Variants in CNBD1 observed in about 807,000 individuals in gnomAD.
CNBD1 encodes cyclic nucleotide binding domain containing 1.
Under a neutral mutation model 54.4 loss-of-function variants are expected in CNBD1, and 71 were observed. That is an observed-to-expected ratio of 1.30 (90% CI 1.08 to 1.59). The LOEUF is 1.59. Ranked by LOEUF, CNBD1 falls within the 40% of genes most tolerant of loss-of-function variation. The pLI, the probability that CNBD1 is intolerant of heterozygous loss-of-function variation, is 0.00. For synonymous variants in CNBD1, 182 were observed against 170.7 expected (o/e 1.07, Z -0.51); for missense variants, 659 against 518.0 (o/e 1.27, Z -2.64).
intron 4 of CNBD1, among the ~76,000 whole-genome samples, chr8:87,165,027 C>A (rs1288564158): frequency 1.3e-5 from 2 of 150,254 alleles, no homozygotes; most frequent in African/African-American, 4.9e-5. Context: ...TTGATATTTT[C>A]TTTTACCCAT....
At chr8:87,248,534 T>G (rs916590838) in intron 6 of CNBD1, among the ~76,000 whole-genome samples, 3 of 152,236 alleles carry the variant, frequency 2.0e-5, no homozygotes, top group Non-Finnish European at 2.9e-5. Flanking sequence ...GGCTTGTCTT[T>G]TAATACAGGG....
At chr8:87,060,506 C>G (rs1160255519) in intron 4 of CNBD1, among the ~76,000 whole-genome samples, 2 of 152,078 alleles carry the variant, frequency 1.3e-5, no homozygotes, top group Admixed American at 6.6e-5. Flanking sequence ...CCACTCATGC[C>G]TGGTGTACTA....
At chr8:87,411,551 TA>T (rs1181824100) in intron 2 of CNBD1, among the ~76,000 whole-genome samples, 14 of 150,612 alleles carry the variant, frequency 9.3e-5, no homozygotes, top group Non-Finnish European at 1.9e-4. Flanking sequence ...TAAGTACAGT[TA>T]ATGATGTCAC....
At chr8:87,346,261 G>C (rs537692004) in intron 8 of CNBD1, among the ~76,000 whole-genome samples, 1 of 152,050 alleles carries the variant, frequency 6.6e-6, no homozygotes, top group East Asian at 1.9e-4. Context: ...GGCTTGTCTT[G>C]AACTCCCGAC....
At chr8:87,146,038 A>C (rs2130743397) in intron 4 of CNBD1, among the ~76,000 whole-genome samples, 1 of 152,278 alleles carries the variant, frequency 6.6e-6, no homozygotes, top group East Asian at 1.9e-4. Flanking sequence ...TCTGCATTGG[A>C]AGGTGAAGTC....
At chr8:87,389,227 CAT>C (rs1272406100) in intron 2 of CNBD1, among the ~76,000 whole-genome samples, 2 of 152,128 alleles carry the variant, frequency 1.3e-5, no homozygotes, top group Admixed American at 6.5e-5. Context: ...TGCTATTCAA[CAT>C]AGTGTTGGAA....
intron 10 of CNBD1, among the ~76,000 whole-genome samples, chr8:87,372,087 C>T (rs1586056625): frequency 6.6e-6 from 1 of 151,996 alleles, no homozygotes. Flanking sequence ...ATCCAGAAAA[C>T]CCCACTGTCT....
intron 4 of CNBD1, among the ~76,000 whole-genome samples, chr8:86,990,521 G>T (rs749408704): frequency 2.2e-4 from 33 of 152,072 alleles, no homozygotes; most frequent in Non-Finnish European, 4.4e-4. Flanking sequence ...ATTTGTTTCT[G>T]GGTTGTCTAT....
chr8:86,952,023 T>C (rs1807638751), intron 4 of CNBD1, among the ~76,000 whole-genome samples: 1 of 152,184 alleles, frequency 6.6e-6, no homozygotes, highest in African/African-American at 2.4e-5. Context: ...GATAAATGCA[T>C]ATCTAATTGC....
At chr8:86,962,926 G>A in intron 4 of CNBD1, among the ~76,000 whole-genome samples, 1 of 152,116 alleles carries the variant, frequency 6.6e-6, no homozygotes, top group Non-Finnish European at 1.5e-5. Flanking sequence ...GTCCTGTGAA[G>A]GGGAAAAAGC....
intron 4 of CNBD1, among the ~76,000 whole-genome samples, chr8:87,171,789 C>A (rs938751496): frequency 4.6e-5 from 7 of 150,626 alleles, no homozygotes; most frequent in African/African-American, 1.5e-4. Context: ...AGGTGCCCAC[C>A]ACCACGCCTG....
At chr8:87,185,579 T>A (rs1426267572) in intron 4 of CNBD1, among the ~76,000 whole-genome samples, 4 of 152,176 alleles carry the variant, frequency 2.6e-5, no homozygotes, top group Non-Finnish European at 5.9e-5. Context: ...GTAAAACTCA[T>A]ATGTGGTCTA....
chr8:87,386,923 G>A (rs1811201314), downstream of CNBD1, among the ~76,000 whole-genome samples: 1 of 152,176 alleles, frequency 6.6e-6, no homozygotes, highest in Non-Finnish European at 1.5e-5. Flanking sequence ...CAGAAACTCT[G>A]CAAGCCAGAA....
At chr8:86,940,132 C>CTTTTT (rs10671983) in intron 4 of CNBD1, among the ~76,000 whole-genome samples, 1,000 of 88,674 alleles carry the variant, frequency 0.011, 95 homozygotes, top group Middle Eastern at 0.031. Flanking sequence ...CCACATGTTA[C>CTTTTT]TTTTTTTTTT....
At chr8:87,193,681 T>A (rs1473162059) in intron 4 of CNBD1, among the ~76,000 whole-genome samples, 2 of 152,198 alleles carry the variant, frequency 1.3e-5, no homozygotes, top group Admixed American at 1.3e-4. Flanking sequence ...GTTTTATTAA[T>A]TTTTTTCTTT....
intron 4 of CNBD1, among the ~76,000 whole-genome samples, chr8:87,056,575 T>G (rs907006804): frequency 2.0e-4 from 30 of 152,196 alleles, no homozygotes; most frequent in African/African-American, 6.5e-4. Context: ...AATCACAAGA[T>G]TTAATAAATA....
At chr8:87,335,671 G>C (rs10095774) in intron 8 of CNBD1, among the ~76,000 whole-genome samples, 58,011 of 151,926 alleles carry the variant, frequency 0.38, 11,351 homozygotes, top group Middle Eastern at 0.46. Context: ...TTGTCAGTCT[G>C]TGTCTTTTAA....
At chr8:87,284,303 T>C (rs528203690) in intron 6 of CNBD1, among the ~76,000 whole-genome samples, 1 of 152,256 alleles carries the variant, frequency 6.6e-6, no homozygotes, top group South Asian at 2.1e-4. Flanking sequence ...ATTTTTGTTA[T>C]TACTGAATAC....
At chr8:86,910,223 C>T (rs1809079680) in intron 3 of CNBD1, among the ~76,000 whole-genome samples, 1 of 152,074 alleles carries the variant, frequency 6.6e-6, no homozygotes, top group African/African-American at 2.4e-5. Flanking sequence ...ATGGGAAAAG[C>T]CAGCCTTAGA....
Sources: gnomAD v4.1 joint callset for allele counts (sites outside exome capture counted in the v4.1 genomes callset) on GRCh38, gnomAD v4.1.1 for gene constraint, MANE v1.5 for transcripts, NCBI Gene and HGNC (gene_info 2026-07-23, HGNC 2026-07-21) for gene names.